TMED7: variants seen among roughly 807,000 people sequenced by gnomAD.
TMED7 encodes the protein transmembrane p24 trafficking protein 7.
In TMED7, 8 loss-of-function variants were observed where a neutral mutation model predicts 23.4. The observed-to-expected ratio is 0.34, with a 90% CI of 0.20 to 0.62. The LOEUF is 0.62. Ranked by LOEUF, TMED7 falls within the 20% of genes least tolerant of loss-of-function variation. TMED7 has a pLI of 0.77. For missense variants in TMED7, 232 were observed against 279.1 expected, an observed-to-expected ratio of 0.83 and a Z score of 1.20; for synonymous variants, 121 against 108.5, an observed-to-expected ratio of 1.12 and a Z score of -0.72.
At chr5:115,618,076 G>C (rs536799547) in intron 2 of TMED7, among the ~76,000 whole-genome samples, 1 of 152,200 alleles carries the variant, frequency 6.6e-6, no homozygotes, top group African/African-American at 2.4e-5. Flanking sequence ...ACAGGCGTAA[G>C]CCACCACGCC....
At chr5:115,616,544 G>A in intron 2 of TMED7, 99 bp from the exon 3 acceptor site, 1 of 1,531,648 alleles carries the variant, frequency 6.5e-7, no homozygotes, top group Non-Finnish European at 8.9e-7. Flanking sequence ...TTCCTCTTTT[G>A]ACTAACATGC....
chr5:115,616,175 C>A lies in TMED7; in HGVS notation c.*34G>T, dbSNP rs1267674328. On this transcript the variant is annotated 3_prime_UTR_variant, in exon 3 of 3. Coordinates refer to ENST00000456936, the MANE Select transcript of TMED7 (RefSeq NM_181836.6). ...AATTAATTAGAGGACAGCAATATTA[C>A]AGTGGCAATGGTGCATCAATTCTCA... The A allele has an allele frequency of 6.3e-7, 1 of 1,591,156 alleles. No homozygotes were observed. Among genetic ancestry groups the A allele is most frequent in the South Asian group, 1.1e-5 (1 of 90,506 alleles).
chr5:115,625,837 G>A lies in TMED7; in HGVS notation c.-45C>T, dbSNP rs1025765324. On this transcript the variant is annotated 5_prime_UTR_variant, in exon 1 of 3. Coordinates refer to ENST00000456936, the MANE Select transcript of TMED7 (RefSeq NM_181836.6). The stretch of plus-strand genomic sequence containing the variant: ...CCTCAACCGAGCTGCGAGACGCAGG[G>A]TCAGGTCTGCGCGGACTCACCGCGC... 5 of 1,374,806 alleles carry A rather than the reference G, an allele frequency of 3.6e-6. No homozygotes were observed. The highest frequency in any genetic ancestry group is 4.0e-5 in the Admixed American group (1 of 24,974). 85.2% of individuals were successfully genotyped at this position (1,374,806 alleles called of 1,614,324 possible). A position where few individuals can be genotyped will look rare whatever the true frequency, so the allele number is the denominator to read the frequency against.
Position 115,616,109 on chromosome 5 carries a change from G to T in TMED7, c.*100C>A. The T allele has an allele frequency of 2.6e-6, 3 of 1,139,876 alleles. No individual in the cohort carries two copies. Among genetic ancestry groups the T allele is most frequent in the Non-Finnish European group, 2.6e-6 (2 of 772,028 alleles). 70.6% of individuals were successfully genotyped at this position (1,139,876 alleles called of 1,614,324 possible). A position where few individuals can be genotyped will look rare whatever the true frequency, so the allele number is the denominator to read the frequency against. On this transcript the variant is annotated 3_prime_UTR_variant, in exon 3 of 3. Coordinates refer to ENST00000456936, the MANE Select transcript of TMED7 (RefSeq NM_181836.6). Reference sequence around the variant, plus strand: ...CCCTCCCAACAAGTGTATGAGTAAGGATTTAAAAATGTTGCCAATATTAAG... The same window carrying T: ...CCCTCCCAACAAGTGTATGAGTAAGTATTTAAAAATGTTGCCAATATTAAG...
intron 2 of TMED7, chr5:115,619,123 A>G (rs1055878010): frequency 2.5e-4 from 38 of 152,208 alleles, no homozygotes; most frequent in African/African-American, 8.7e-4. Context: ...TTCATTTCTT[A>G]TATTTACCCA....
In TMED7 at chr5:115,614,609, G is replaced by C. The variant is rs1756618490; in HGVS notation, c.*1600C>G. 6.6e-6 allele frequency: 1 copy of C among 152,130 alleles called. No homozygotes were observed. Among genetic ancestry groups the C allele is most frequent in the Non-Finnish European group, 1.5e-5 (1 of 67,948 alleles). 9.4% of individuals were successfully genotyped at this position (152,130 alleles called of 1,614,324 possible). A position where few individuals can be genotyped will look rare whatever the true frequency, so the allele number is the denominator to read the frequency against. ...CATTGATAAATATTAAGGAGTAGCTGGTCTTCAAACACCGTAAAAAGTTAA... is the reference window on the plus strand; with the variant it reads ...CATTGATAAATATTAAGGAGTAGCTCGTCTTCAAACACCGTAAAAAGTTAA... On this transcript the variant is annotated 3_prime_UTR_variant, in exon 3 of 3. Transcript: ENST00000456936.
chr5:115,620,989 C>A (rs1171890471), intron 1 of TMED7, among the ~76,000 whole-genome samples: 1 of 152,134 alleles, frequency 6.6e-6, no homozygotes, highest in Admixed American at 6.5e-5. Context: ...ATTTGACAGA[C>A]TGAAAAACTG....
chr5:115,625,976 G>C lies in TMED7; in HGVS notation c.-184C>G. ...CGGCTTCCTGTGAGGGGCGCAGACG[G>C]GCGGACCTGGGGAGGTAAAAGAGAA... On this transcript the variant is annotated 5_prime_UTR_variant, in exon 1 of 3. Transcript: ENST00000456936. 1 of 781,468 alleles carries C rather than the reference G, an allele frequency of 1.3e-6. No individual in the cohort carries two copies. Among genetic ancestry groups the C allele is most frequent in the African/African-American group, 1.8e-5 (1 of 54,940 alleles). 48.4% of individuals were successfully genotyped at this position (781,468 alleles called of 1,614,324 possible).
intron 1 of TMED7, among the ~76,000 whole-genome samples, chr5:115,621,745 G>T (rs527548599): frequency 1.0e-3 from 154 of 152,306 alleles, no homozygotes; most frequent in African/African-American, 3.4e-3. Context: ...AAGAGGGAGT[G>T]CAGAGAGGTG....
Position 115,625,776 on chromosome 5 carries a change from G to A in TMED7, c.17C>T (p.Ser6Phe). Residue 6 changes from serine to phenylalanine, a missense_variant, in exon 1 of 3, where the codon TCC (serine) becomes TTC (phenylalanine). By Grantham distance (155) the Ser-to-Phe change is radical. Around this residue, in one of 2 missense-constraint regions of TMED7, gnomAD observed 106 missense variants for 97.0 expected, o/e 1.09. Transcript: ENST00000456936. ...CGCGACGGCCGCCCAGCGCTGCGCG[G>A]ACCCCGGCCGCGGCATCCCGAGAAG... is the stretch of plus-strand genomic sequence containing the variant. MPRPG[S>F]AQRWAAVAGR... The A allele has an allele frequency of 6.9e-7, 1 of 1,452,322 alleles. No homozygotes were observed. Among genetic ancestry groups the A allele is most frequent in the Non-Finnish European group, 9.0e-7 (1 of 1,106,366 alleles). 90.0% of individuals were successfully genotyped at this position (1,452,322 alleles called of 1,614,324 possible). A position where few individuals can be genotyped will look rare whatever the true frequency, so the allele number is the denominator to read the frequency against.
chr5:115,620,389 C>T (rs1296703542), intron 2 of TMED7, 46 bp downstream of exon 2: 2 of 1,436,408 alleles, frequency 1.4e-6, no homozygotes, highest in Non-Finnish European at 1.8e-6. Context: ...TGCTTTTTTC[C>T]TCCTTTTAAA....
At chr5:115,617,243 A>C (rs1354702635) in intron 2 of TMED7, among the ~76,000 whole-genome samples, 5 of 152,190 alleles carry the variant, frequency 3.3e-5, no homozygotes, top group African/African-American at 7.2e-5. Context: ...ACTTAATCCT[A>C]GTGGTAAAAT....
chr5:115,613,801 C>T lies in TMED7; in HGVS notation c.*2408G>A, dbSNP rs1285539601. The stretch of plus-strand genomic sequence containing the variant: ...CCAAGCTTGGATGAAAGCTGTGAAC[C>T]ACAAACCATTTGTTTATTTAATAGA... On this transcript the variant is annotated 3_prime_UTR_variant, in exon 3 of 3. Coordinates refer to ENST00000456936, the MANE Select transcript of TMED7 (RefSeq NM_181836.6). 1 of 152,430 alleles carries T rather than the reference C, an allele frequency of 6.6e-6. No homozygotes were observed. Among genetic ancestry groups the T allele is most frequent in the African/African-American group, 2.4e-5 (1 of 41,412 alleles). 9.4% of individuals were successfully genotyped at this position (152,430 alleles called of 1,614,324 possible). A position where few individuals can be genotyped will look rare whatever the true frequency, so the allele number is the denominator to read the frequency against.
At chr5:115,622,846 C>T (rs370195051) in intron 1 of TMED7, among the ~76,000 whole-genome samples, 1 of 152,168 alleles carries the variant, frequency 6.6e-6, no homozygotes, top group Admixed American at 6.5e-5. Flanking sequence ...AAATACCAGA[C>T]TACCAGAAAT....
At chr5:115,623,725 A>T (rs1418890021) in intron 1 of TMED7, among the ~76,000 whole-genome samples, 1 of 152,206 alleles carries the variant, frequency 6.6e-6, no homozygotes, top group Non-Finnish European at 1.5e-5. Flanking sequence ...CTTATCTTGC[A>T]GACTCACCTC....
chr5:115,625,897 TA>T lies in TMED7; in HGVS notation c.-106del. On this transcript the variant is annotated 5_prime_UTR_variant, in exon 1 of 3. Coordinates refer to ENST00000456936, the MANE Select transcript of TMED7 (RefSeq NM_181836.6). ...CTCAGCGCAGGCCACCCCGCAAAGATACACAGCAGAGCAGGTTCACGCCTGT... is the reference window on the plus strand; with the variant it reads ...CTCAGCGCAGGCCACCCCGCAAAGATCACAGCAGAGCAGGTTCACGCCTGT... The T allele has an allele frequency of 1.5e-6, 2 of 1,301,386 alleles. No individual in the cohort carries two copies. The highest frequency in any genetic ancestry group is 4.5e-5 in the South Asian group (2 of 43,964). 80.6% of individuals were successfully genotyped at this position (1,301,386 alleles called of 1,614,324 possible). A position where few individuals can be genotyped will look rare whatever the true frequency, so the allele number is the denominator to read the frequency against.
intron 2 of TMED7, among the ~76,000 whole-genome samples, chr5:115,619,553 T>C (rs972972308): frequency 6.6e-6 from 1 of 152,162 alleles, no homozygotes; most frequent in East Asian, 1.9e-4. Context: ...GCTTTGAATT[T>C]CAGATTTTTT....
rs1580458158 is a variant in TMED7, at chr5:115,622,857, T to G, written c.193-2177A>C. On this transcript the variant is annotated intron_variant, in intron 1 of 2. Transcript: ENST00000456936. ...CCTAAAATACCAGACTACCAGAAAT[T>G]CTCTGAACAAGTCTTTGCTTTACAT... 3.3e-5 allele frequency among the ~76,000 whole-genome samples: 5 copies of G among 152,172 alleles called. No individual in the cohort carries two copies. In the South Asian group the frequency reaches 1.0e-3, roughly 32 times the overall value.
At chr5:115,622,431 A>C (rs549736672) in intron 1 of TMED7, among the ~76,000 whole-genome samples, 17 of 152,256 alleles carry the variant, frequency 1.1e-4, no homozygotes, top group Non-Finnish European at 1.6e-4. Context: ...CTATTGCCAC[A>C]ACTTCCTAAA....
Sources: gnomAD v4.1 joint callset for allele counts (sites outside exome capture counted in the v4.1 genomes callset) on GRCh38, gnomAD v4.1.1 for gene constraint, gnomAD v4.1.1 regional missense constraint, MANE v1.5 for transcripts, NCBI Gene and HGNC (gene_info 2026-07-23, HGNC 2026-07-21) for gene names.